GMDS: variants seen among roughly 807,000 people sequenced by gnomAD.
GMDS encodes GDP-mannose 4,6-dehydratase.
A neutral mutation model predicts 49.9 loss-of-function variants in GMDS; 20 were observed. The observed-to-expected ratio is 0.40, with a 90% confidence interval of 0.28 to 0.58. The LOEUF (loss-of-function observed/expected upper bound fraction) is 0.58. GMDS is among the 20% of genes least tolerant of loss of function. The pLI, the probability that GMDS is intolerant of heterozygous loss-of-function variation, is 0.42. For synonymous variants in GMDS, 177 were observed against 178.6 expected (o/e 0.99, Z 0.07); for missense variants, 362 against 481.4 (o/e 0.75, Z 2.32).
intron 7 of GMDS, among the ~76,000 whole-genome samples, chr6:1,776,926 C>T (rs564273333): frequency 1.3e-5 from 2 of 152,248 alleles, no homozygotes; most frequent in South Asian, 4.1e-4. Context: ...GGATGTGGCC[C>T]AAACCTCATC....
At chr6:2,009,024 G>A (rs546251855) in intron 4 of GMDS, among the ~76,000 whole-genome samples, 168 of 152,248 alleles carry the variant, frequency 1.1e-3, no homozygotes, top group African/African-American at 3.7e-3. Flanking sequence ...TTTATATTCA[G>A]CATTTCATTT....
chr6:2,138,810 C>A (rs990666378), intron 1 of GMDS, among the ~76,000 whole-genome samples: 1 of 152,132 alleles, frequency 6.6e-6, no homozygotes, highest in Admixed American at 6.5e-5. Context: ...TCAAATCTAC[C>A]ACAGATTTCT....
intron 4 of GMDS, among the ~76,000 whole-genome samples, chr6:2,061,917 A>G (rs940122250): frequency 2.6e-5 from 4 of 152,252 alleles, no homozygotes; most frequent in Middle Eastern, 3.4e-3. Flanking sequence ...CAATACATTA[A>G]AAGGATTCAA....
At chr6:2,242,029 T>TA (rs1182801506) in intron 1 of GMDS, among the ~76,000 whole-genome samples, 30 of 152,218 alleles carry the variant, frequency 2.0e-4, no homozygotes, top group African/African-American at 7.2e-4. Context: ...ATTTCTATCT[T>TA]AAAGTAGTTC....
At chr6:1,954,851 G>A (rs1006878248) in intron 6 of GMDS, among the ~76,000 whole-genome samples, 2 of 152,098 alleles carry the variant, frequency 1.3e-5, no homozygotes, top group Non-Finnish European at 1.5e-5. Flanking sequence ...ACGGGGCGGC[G>A]GTGGCAGGGG....
intron 2 of GMDS, among the ~76,000 whole-genome samples, chr6:2,119,546 T>TA (rs1176971570): frequency 6.6e-6 from 1 of 152,158 alleles, no homozygotes; most frequent in African/African-American, 2.4e-5. Context: ...ACAGGTGAAA[T>TA]ACAAACTTCA....
At chr6:1,759,736 G>C (rs1170601994) in intron 7 of GMDS, among the ~76,000 whole-genome samples, 1 of 152,124 alleles carries the variant, frequency 6.6e-6, no homozygotes, top group African/African-American at 2.4e-5. Context: ...AATAACTTTT[G>C]GGACAGAGGC....
At chr6:2,077,131 T>A (rs1249866187) in intron 4 of GMDS, among the ~76,000 whole-genome samples, 1 of 152,184 alleles carries the variant, frequency 6.6e-6, no homozygotes, top group Non-Finnish European at 1.5e-5. Context: ...GATTTTTACA[T>A]GTTCATTTTG....
At chr6:2,099,834 CA>C (rs1193236924) in intron 4 of GMDS, among the ~76,000 whole-genome samples, 5 of 152,022 alleles carry the variant, frequency 3.3e-5, no homozygotes, top group African/African-American at 7.2e-5. Flanking sequence ...TTGTTTCTCC[CA>C]AAAAGTATGA....
chr6:2,224,290 C>G (rs1228677259), intron 1 of GMDS, among the ~76,000 whole-genome samples: 1 of 152,146 alleles, frequency 6.6e-6, no homozygotes, highest in Non-Finnish European at 1.5e-5. Context: ...TAGAAATTAT[C>G]CACCCTTATT....
At chr6:2,146,359 A>T (rs1776558576) in intron 1 of GMDS, among the ~76,000 whole-genome samples, 1 of 152,182 alleles carries the variant, frequency 6.6e-6, no homozygotes, top group Non-Finnish European at 1.5e-5. Flanking sequence ...CACATAAAGG[A>T]TGGGCAAAGT....
In GMDS at chr6:1,878,358, C is replaced by T. The variant is rs193191617; in HGVS notation, c.771+51745G>A. On this transcript the variant is annotated intron_variant, in intron 7 of 10. Transcript: ENST00000380815. ...AAAAAAGTTATCCAGGCAAAACAAT[C>T]GATGTGAAAATATTCCCCAAAGACA... 2.7e-4 allele frequency among the ~76,000 whole-genome samples: 40 copies of T among 148,118 alleles called. No individual in the cohort carries two copies. The South Asian group carries it at 5.0e-3, about 19-fold the overall frequency.
chr6:1,721,264 GTGT>G (rs1766376386), intron 9 of GMDS, among the ~76,000 whole-genome samples: 1 of 152,166 alleles, frequency 6.6e-6, no homozygotes, highest in African/African-American at 2.4e-5. Context: ...CGGGAGGAAG[GTGT>G]TGTTTTAACT....
chr6:1,850,495 C>T (rs1475176784), intron 7 of GMDS, among the ~76,000 whole-genome samples: 1 of 152,116 alleles, frequency 6.6e-6, no homozygotes, highest in Non-Finnish European at 1.5e-5. Context: ...TTACAATAAC[C>T]CTGAATGCAC....
At position 1,930,224 on chromosome 6, in the gene GMDS, T is replaced by A; in HGVS notation, c.650A>T (p.Asn217Ile). ...CCGGCTAATTTTTCGAGTAACGAAA[T>A]TAGCTCCTAAAAAGAGGCAAAAGAT... Reference protein sequence around the residue: ...FNHESPRRGANFVTRKISRSV... With the variant: ...FNHESPRRGAIFVTRKISRSV... The change falls in exon 7 of 11, where the codon AAT becomes ATT. Residue 217 changes from asparagine to isoleucine, a missense_variant. Transcript: ENST00000380815. 6.2e-7 allele frequency: 1 copy of A among 1,612,920 alleles called. No individual in the cohort carries two copies. The highest frequency in any genetic ancestry group is 8.5e-7 in the Non-Finnish European group (1 of 1,179,310).
At chr6:1,854,027 AGGGCAGCTAAGGTT>A in intron 7 of GMDS, among the ~76,000 whole-genome samples, 1 of 152,212 alleles carries the variant, frequency 6.6e-6, no homozygotes, top group Non-Finnish European at 1.5e-5. Flanking sequence ...CATTTCAAGC[AGGGCAGCTAAGGTT>A]GTGTCAGCAT....
chr6:1,996,187 A>T (rs1402291490), intron 4 of GMDS, among the ~76,000 whole-genome samples: 1 of 149,758 alleles, frequency 6.7e-6, no homozygotes, highest in African/African-American at 2.5e-5. Context: ...TTCTTCTATA[A>T]CTATGGTACC....
At chr6:2,227,750 A>G (rs1780883655) in intron 1 of GMDS, among the ~76,000 whole-genome samples, 1 of 152,214 alleles carries the variant, frequency 6.6e-6, no homozygotes, top group African/African-American at 2.4e-5. Flanking sequence ...CTGGGTCACA[A>G]TAGCAGCTGA....
intron 4 of GMDS, among the ~76,000 whole-genome samples, chr6:2,009,054 T>C (rs1381824280): frequency 6.6e-6 from 1 of 152,222 alleles, no homozygotes. Context: ...AACAATCCAA[T>C]GAGCTAGGTA....
Sources: allele counts gnomAD v4.1 joint callset (sites outside exome capture counted in the v4.1 genomes callset), GRCh38; gene constraint gnomAD v4.1.1; transcripts MANE v1.5; gene names NCBI Gene and HGNC (gene_info 2026-07-23, HGNC 2026-07-21).